The following LBH variants were observed in gnomAD, a reference collection of about 807,000 sequenced individuals.
LBH encodes the protein protein LBH.
In LBH, 7 loss-of-function variants were observed where a neutral mutation model predicts 12.5. That is an observed-to-expected ratio of 0.56 (90% CI 0.32 to 1.05). LBH has a LOEUF of 1.05. LBH is among the 50% of genes least tolerant of loss of function. LBH has a pLI of 0.04. For missense variants in LBH, 119 were observed against 138.9 expected, an observed-to-expected ratio of 0.86 and a Z score of 0.72; for synonymous variants, 51 against 50.1, an observed-to-expected ratio of 1.02 and a Z score of -0.08.
intron 1 of LBH, chr2:30,232,374 T>C: frequency 1.1e-6 from 1 of 950,848 alleles, no homozygotes; most frequent in South Asian, 2.2e-5. Flanking sequence ...GGGCCGGGAC[T>C]GGGAGGAGCC....
intron 2 of LBH, among the ~76,000 whole-genome samples, chr2:30,237,150 A>G (rs925275): frequency 0.99 from 150,149 of 152,338 alleles, 74,028 homozygotes; most frequent in Middle Eastern, 1. Flanking sequence ...TGTTCTTGGC[A>G]TTCCTCCTAA....
At chr2:30,253,318 G>C (rs1482281821) in intron 2 of LBH, among the ~76,000 whole-genome samples, 1 of 152,186 alleles carries the variant, frequency 6.6e-6, no homozygotes, top group Non-Finnish European at 1.5e-5. Flanking sequence ...ACTTTGCAAG[G>C]CTTTCTGTCT....
At chr2:30,232,506 T>G in intron 1 of LBH, 1 of 327,260 alleles carries the variant, frequency 3.1e-6, no homozygotes, top group Non-Finnish European at 5.6e-6. Context: ...CTGCTGGGAC[T>G]TCCTTGCTGG....
Position 30,231,574 on chromosome 2 carries a change from G to C in LBH, c.-165G>C. On this transcript the variant is annotated 5_prime_UTR_variant, in exon 1 of 3. Coordinates refer to ENST00000395323, the MANE Select transcript of LBH (RefSeq NM_030915.4). ...GAGAGCGGGGAGTTGTGTCCACCTT[G>C]CCGACGTCGCTAGCCGTGGGGCTGT... 3.1e-6 allele frequency: 2 copies of C among 654,458 alleles called. No homozygotes were observed. The highest frequency in any genetic ancestry group is 3.3e-5 in the South Asian group (2 of 60,342). The allele number at this position is 654,458 out of a possible 1,614,324, so 40.5% of individuals were successfully genotyped here. A position where few individuals can be genotyped will look rare whatever the true frequency, so the allele number is the denominator to read the frequency against.
intron 2 of LBH, among the ~76,000 whole-genome samples, chr2:30,237,678 A>G (rs1252141984): frequency 6.6e-6 from 1 of 152,148 alleles, no homozygotes; most frequent in Non-Finnish European, 1.5e-5. Context: ...ATGCCCTTTT[A>G]ATCCCCTGAA....
intron 2 of LBH, among the ~76,000 whole-genome samples, chr2:30,241,174 C>T (rs1677782505): frequency 6.6e-6 from 1 of 152,160 alleles, no homozygotes; most frequent in Non-Finnish European, 1.5e-5. Context: ...TAGTAGGTGG[C>T]CTTAAGGTCA....
At chr2:30,244,582 G>A (rs143898625) in intron 2 of LBH, among the ~76,000 whole-genome samples, 82 of 152,028 alleles carry the variant, frequency 5.4e-4, no homozygotes, top group African/African-American at 1.7e-3. Flanking sequence ...AGAACCTGTC[G>A]CAATTCAACT....
chr2:30,253,314 CAA>C (rs1270038531), intron 2 of LBH, among the ~76,000 whole-genome samples: 3 of 152,174 alleles, frequency 2.0e-5, no homozygotes, highest in Admixed American at 6.5e-5. Flanking sequence ...CAGCACTTTG[CAA>C]GGCTTTCTGT....
intron 2 of LBH, among the ~76,000 whole-genome samples, chr2:30,254,766 T>C (rs1035184903): frequency 6.6e-6 from 1 of 152,214 alleles, no homozygotes; most frequent in African/African-American, 2.4e-5. Flanking sequence ...ATCCTGGCAG[T>C]GAGGTCAGAG....
chr2:30,249,569 TCATTC>T (rs1677939674), intron 2 of LBH, among the ~76,000 whole-genome samples: 1 of 152,184 alleles, frequency 6.6e-6, no homozygotes, highest in African/African-American at 2.4e-5. Flanking sequence ...GGCATGGTTT[TCATTC>T]CCCCGGTCCT....
intron 2 of LBH, among the ~76,000 whole-genome samples, chr2:30,238,135 T>G (rs1274354797): frequency 6.6e-6 from 1 of 152,226 alleles, no homozygotes; most frequent in Non-Finnish European, 1.5e-5. Context: ...TCTCCTTCGA[T>G]GCTGTGCCCG....
rs1334498883 is a variant in LBH, at chr2:30,231,778, G to C, written c.26+14G>C. 6.4e-6 allele frequency: 10 copies of C among 1,556,422 alleles called. No individual in the cohort carries two copies. In the South Asian group the frequency reaches 1.1e-4, roughly 17 times the overall value. On this transcript the variant is annotated intron_variant, in intron 1 of 2. Coordinates refer to ENST00000395323, the MANE Select transcript of LBH (RefSeq NM_030915.4). The stretch of plus-strand genomic sequence containing the variant: ...CCCCATTCACTGGTGAGTACCCTGC[G>C]CCTGCGGCGGGCGTCTGTCTCGCGG...
At chr2:30,242,911 T>G (rs1474767337) in intron 2 of LBH, among the ~76,000 whole-genome samples, 1 of 152,224 alleles carries the variant, frequency 6.6e-6, no homozygotes, top group Non-Finnish European at 1.5e-5. Flanking sequence ...TTCCTGGAAG[T>G]AGAATTACTG....
intron 2 of LBH, among the ~76,000 whole-genome samples, chr2:30,236,742 T>C (rs563276231): frequency 6.6e-6 from 1 of 152,206 alleles, no homozygotes; most frequent in East Asian, 1.9e-4. Flanking sequence ...GTGCAGTCAG[T>C]CCAGGTGGGG....
intron 2 of LBH, among the ~76,000 whole-genome samples, chr2:30,239,995 C>T (rs1363585740): frequency 4.6e-5 from 7 of 152,178 alleles, no homozygotes; most frequent in African/African-American, 1.4e-4. Context: ...CCAGCCAACA[C>T]GTTGCATACT....
intron 1 of LBH, chr2:30,234,200 C>T (rs749655112): frequency 2.6e-5 from 15 of 568,940 alleles, no homozygotes; most frequent in Non-Finnish European, 3.2e-5. Context: ...AGACAATGGG[C>T]TTTGTCTGTT....
chr2:30,255,304 C>G (rs1017856355), intron 2 of LBH, among the ~76,000 whole-genome samples: 1 of 152,092 alleles, frequency 6.6e-6, no homozygotes, highest in Non-Finnish European at 1.5e-5. Flanking sequence ...GCTCCTCGCT[C>G]GGCACATGCA....
Position 30,257,650 on chromosome 2 carries a change from C to T in LBH, c.*29C>T. 6.7e-7 allele frequency: 1 copy of T among 1,499,106 alleles called. No individual in the cohort carries two copies. Among genetic ancestry groups the T allele is most frequent in the Non-Finnish European group, 9.1e-7 (1 of 1,100,466 alleles). The allele number at this position is 1,499,106 out of a possible 1,614,324, so 92.9% of individuals were successfully genotyped here. On this transcript the variant is annotated 3_prime_UTR_variant, in exon 3 of 3. Transcript: ENST00000395323. Reference sequence around the variant, plus strand: ...CCCTGTGGACTCCCATGGGTCATACCAGCCAGCATCTGTTCCTGAACTGTG... The same window carrying T: ...CCCTGTGGACTCCCATGGGTCATACTAGCCAGCATCTGTTCCTGAACTGTG...
chr2:30,255,695 A>ACAG (rs1678072286), intron 2 of LBH, among the ~76,000 whole-genome samples: 1 of 151,996 alleles, frequency 6.6e-6, no homozygotes, highest in Non-Finnish European at 1.5e-5. Context: ...TTGGGTTGCA[A>ACAG]TAAGACCGGG....
Sources: gnomAD v4.1 joint callset for allele counts (sites outside exome capture counted in the v4.1 genomes callset) on GRCh38, gnomAD v4.1.1 for gene constraint, MANE v1.5 for transcripts, NCBI Gene and HGNC (gene_info 2026-07-23, HGNC 2026-07-21) for gene names.